KCND2: variants seen among roughly 807,000 people sequenced by gnomAD.
The protein encoded by KCND2 is A-type voltage-gated potassium channel KCND2.
KCND2 carries 16 observed loss-of-function variants against 54.4 expected under a neutral mutation model. The ratio of observed to expected loss-of-function variants is 0.29; its 90% CI spans 0.20 to 0.45. KCND2 has a LOEUF of 0.45. Ranked by LOEUF, KCND2 falls within the 20% of genes least tolerant of loss-of-function variation. The pLI, the probability that KCND2 is intolerant of heterozygous loss-of-function variation, is 1.00. For missense variants in KCND2, 486 were observed against 824.2 expected (o/e 0.59, Z 5.02); for synonymous variants, 317 against 310.7 (o/e 1.02, Z -0.21).
intron 1 of KCND2, among the ~76,000 whole-genome samples, chr7:120,428,537 A>T (rs1801746739): frequency 6.6e-6 from 1 of 152,208 alleles, no homozygotes; most frequent in South Asian, 2.1e-4. Flanking sequence ...TGCTTTTTTA[A>T]TAAAGTTGAT....
chr7:120,607,092 A>G (rs748224613), intron 1 of KCND2, among the ~76,000 whole-genome samples: 5 of 152,154 alleles, frequency 3.3e-5, no homozygotes, highest in African/African-American at 1.2e-4. Flanking sequence ...TTACAAGACT[A>G]TTGGTTTTTA....
intron 1 of KCND2, among the ~76,000 whole-genome samples, chr7:120,641,531 T>A (rs1274391362): frequency 6.6e-6 from 1 of 152,016 alleles, no homozygotes; most frequent in African/African-American, 2.4e-5. Flanking sequence ...TGACTTTAAT[T>A]GGACTTCCAC....
At chr7:120,393,199 T>C (rs1801103273) in intron 1 of KCND2, among the ~76,000 whole-genome samples, 1 of 152,024 alleles carries the variant, frequency 6.6e-6, no homozygotes, top group Non-Finnish European at 1.5e-5. Flanking sequence ...ATATTTAATT[T>C]CTGTGAATCT....
intron 1 of KCND2, among the ~76,000 whole-genome samples, chr7:120,473,964 C>T (rs1802497986): frequency 6.6e-6 from 1 of 152,124 alleles, no homozygotes; most frequent in South Asian, 2.1e-4. Flanking sequence ...CAGGTAGTTG[C>T]TGCTTGTCCT....
At chr7:120,543,973 G>A (rs1259450749) in intron 1 of KCND2, among the ~76,000 whole-genome samples, 3 of 151,940 alleles carry the variant, frequency 2.0e-5, no homozygotes, top group African/African-American at 7.2e-5. Context: ...AGTCTGGAAA[G>A]TTGTGAGAGA....
At chr7:120,502,653 A>G (rs963599955) in intron 1 of KCND2, among the ~76,000 whole-genome samples, 12 of 152,032 alleles carry the variant, frequency 7.9e-5, no homozygotes, top group African/African-American at 2.9e-4. Flanking sequence ...CAAAACTATG[A>G]GTATGCAAGC....
intron 1 of KCND2, among the ~76,000 whole-genome samples, chr7:120,336,614 G>A (rs1229666328): frequency 6.6e-6 from 1 of 152,106 alleles, no homozygotes; most frequent in African/African-American, 2.4e-5. Context: ...AATGAAGCCA[G>A]TAAAGTCCTT....
chr7:120,633,766 A>AT (rs1439234618), intron 1 of KCND2, among the ~76,000 whole-genome samples: 8 of 152,308 alleles, frequency 5.3e-5, no homozygotes, highest in African/African-American at 1.7e-4. Flanking sequence ...TTTATCATAT[A>AT]TTATATAAAT....
intron 1 of KCND2, among the ~76,000 whole-genome samples, chr7:120,724,602 C>G (rs1012674919): frequency 2.0e-5 from 3 of 152,140 alleles, no homozygotes; most frequent in Non-Finnish European, 4.4e-5. Context: ...AAGAGCTTGG[C>G]TCTTTCCTGC....
At chr7:120,603,355 A>T (rs1792838316) in intron 1 of KCND2, among the ~76,000 whole-genome samples, 1 of 152,114 alleles carries the variant, frequency 6.6e-6, no homozygotes, top group African/African-American at 2.4e-5. Context: ...ACTTTTTCAA[A>T]TCCCCCAAGT....
At chr7:120,497,922 G>T (rs1241351885) in intron 1 of KCND2, among the ~76,000 whole-genome samples, 1 of 152,108 alleles carries the variant, frequency 6.6e-6, no homozygotes, top group African/African-American at 2.4e-5. Flanking sequence ...AGGACACCTA[G>T]CAGCCTCTGC....
chr7:120,599,677 A>G lies in KCND2; in HGVS notation c.1116-133226A>G, dbSNP rs368043472. ...TAATTTTCATTGTGCTACCTTGTTA[A>G]ACTCATTAGTTCTAATAGCTTTTTT... On this transcript the variant is annotated intron_variant, in intron 1 of 5. Coordinates refer to ENST00000331113, the MANE Select transcript of KCND2 (RefSeq NM_012281.3). Among the ~76,000 whole-genome samples the G allele has an allele frequency of 3.9e-5, 6 of 152,064 alleles. No individual in the cohort carries two copies. The East Asian group carries it at 1.2e-3, about 29-fold the overall frequency.
intron 1 of KCND2, among the ~76,000 whole-genome samples, chr7:120,309,568 T>C (rs1026790898): frequency 1.2e-4 from 18 of 149,118 alleles, no homozygotes; most frequent in African/African-American, 1.2e-4. Context: ...CACACACACA[T>C]ATATATAATT....
intron 1 of KCND2, among the ~76,000 whole-genome samples, chr7:120,425,287 T>G (rs977539815): frequency 1.3e-5 from 2 of 152,150 alleles, no homozygotes; most frequent in Admixed American, 6.5e-5. Flanking sequence ...TTTTGCCACC[T>G]AGGAAAGATA....
intron 1 of KCND2, among the ~76,000 whole-genome samples, chr7:120,511,022 T>TCA (rs1436329045): frequency 1.3e-3 from 188 of 140,090 alleles, no homozygotes; most frequent in South Asian, 1.0e-2. Context: ...TCTCTCTCTC[T>TCA]CTCACACACA....
chr7:120,376,484 T>A (rs946005377), intron 1 of KCND2, among the ~76,000 whole-genome samples: 1 of 150,774 alleles, frequency 6.6e-6, no homozygotes, highest in African/African-American at 2.4e-5. Flanking sequence ...TTTTATAAAA[T>A]AAAATATAAA....
chr7:120,320,555 A>T (rs183266182), intron 1 of KCND2, among the ~76,000 whole-genome samples: 2 of 152,310 alleles, frequency 1.3e-5, no homozygotes, highest in African/African-American at 4.8e-5. Flanking sequence ...AAGACAGGGG[A>T]TCACTAAGGA....
chr7:120,655,804 A>G (rs1201783772), intron 1 of KCND2, among the ~76,000 whole-genome samples: 2 of 152,140 alleles, frequency 1.3e-5, no homozygotes, highest in Non-Finnish European at 2.9e-5. Context: ...CTTCTTTAGT[A>G]TGAATAATTT....
At chr7:120,588,995 A>G (rs1237031759) in intron 1 of KCND2, among the ~76,000 whole-genome samples, 1 of 152,194 alleles carries the variant, frequency 6.6e-6, no homozygotes, top group African/African-American at 2.4e-5. Context: ...TTCATAAATG[A>G]AAGCAATAAA....
Sources: gnomAD v4.1 joint callset for allele counts (sites outside exome capture counted in the v4.1 genomes callset) on GRCh38, gnomAD v4.1.1 for gene constraint, MANE v1.5 for transcripts, NCBI Gene and HGNC (gene_info 2026-07-23, HGNC 2026-07-21) for gene names.